The following GLT8D2 variants were observed in gnomAD, a reference collection of about 807,000 sequenced individuals.
GLT8D2 encodes glycosyltransferase 8 domain-containing protein 2.
In GLT8D2, 45 loss-of-function variants were observed where a neutral mutation model predicts 44.5. The ratio of observed to expected loss-of-function variants is 1.01; its 90% CI spans 0.80 to 1.30. GLT8D2 has a LOEUF of 1.30. Ranked by LOEUF, GLT8D2 falls within the 50% of genes most tolerant of loss-of-function variation. GLT8D2 has a pLI of 0.00. For synonymous variants in GLT8D2, 156 were observed against 157.2 expected, an observed-to-expected ratio of 0.99 and a Z score of 0.06; for missense variants, 400 against 430.4, an observed-to-expected ratio of 0.93 and a Z score of 0.62.
intron 5 of GLT8D2, among the ~76,000 whole-genome samples, chr12:104,000,553 G>A (rs1237763436): frequency 2.0e-5 from 3 of 152,052 alleles, no homozygotes; most frequent in Admixed American, 1.3e-4. Flanking sequence ...AAACTTTAAA[G>A]TATGTAAAAG....
At chr12:104,012,097 G>C (rs2722211) in intron 4 of GLT8D2, among the ~76,000 whole-genome samples, 9 of 147,908 alleles carry the variant, frequency 6.1e-5, no homozygotes, top group Admixed American at 1.4e-4. Flanking sequence ...CTTGAACCCA[G>C]AGGCAGAGGT....
chr12:104,036,497 G>A (rs1316049832), intron 1 of GLT8D2, among the ~76,000 whole-genome samples: 1 of 152,052 alleles, frequency 6.6e-6, no homozygotes, highest in Non-Finnish European at 1.5e-5. Flanking sequence ...CAAAAAAAAA[G>A]CAGGGGCTGC....
chr12:104,043,830 G>T (rs766734167), intron 1 of GLT8D2, among the ~76,000 whole-genome samples: 3 of 152,148 alleles, frequency 2.0e-5, no homozygotes. Flanking sequence ...ACCCCTCTCT[G>T]TTCCTTATTC....
chr12:104,057,183 T>C (rs1286787148), intron 1 of GLT8D2, among the ~76,000 whole-genome samples: 10 of 152,064 alleles, frequency 6.6e-5, no homozygotes, highest in African/African-American at 2.4e-4. Flanking sequence ...GGGCAAAAAA[T>C]TCACATTAAA....
At chr12:104,053,201 C>G (rs1199715609), upstream of GLT8D2, among the ~76,000 whole-genome samples, 1 of 152,214 alleles carries the variant, frequency 6.6e-6, no homozygotes, top group Non-Finnish European at 1.5e-5. Context: ...ATCATGTCAT[C>G]TCCTTTGAAT....
intron 2 of GLT8D2, among the ~76,000 whole-genome samples, chr12:104,021,028 A>T (rs535421619): frequency 6.6e-6 from 1 of 152,268 alleles, no homozygotes; most frequent in Non-Finnish European, 1.5e-5. Context: ...TCCCAAGGGA[A>T]TTCTGATGGT....
chr12:104,059,017 G>A (rs979605281), intron 1 of GLT8D2, among the ~76,000 whole-genome samples: 8 of 152,326 alleles, frequency 5.3e-5, no homozygotes, highest in African/African-American at 9.6e-5. Context: ...AGGCAGGTAA[G>A]AGCGGGACAG....
intron 3 of GLT8D2, among the ~76,000 whole-genome samples, chr12:104,018,184 C>T (rs551239100): frequency 2.3e-4 from 35 of 152,182 alleles, no homozygotes; most frequent in African/African-American, 8.2e-4. Flanking sequence ...GTTGCTAAGG[C>T]TGGTCTCGAA....
At chr12:104,015,435 C>CACACACACACACAA (rs1566198673) in intron 3 of GLT8D2, among the ~76,000 whole-genome samples, 1 of 144,620 alleles carries the variant, frequency 6.9e-6, no homozygotes, top group Non-Finnish European at 1.5e-5. Flanking sequence ...CACACACACA[C>CACACACACACACAA]AAATTAGCTG....
chr12:104,020,080 C>T (rs1877433809), intron 2 of GLT8D2, among the ~76,000 whole-genome samples: 2 of 152,064 alleles, frequency 1.3e-5, no homozygotes, highest in Admixed American at 1.3e-4. Flanking sequence ...CCACCACACC[C>T]AGCTAAATTT....
At chr12:104,045,892 T>TAGGA (rs1555281856) in intron 1 of GLT8D2, among the ~76,000 whole-genome samples, 2 of 112,144 alleles carry the variant, frequency 1.8e-5, no homozygotes, top group South Asian at 6.7e-4. Flanking sequence ...AAAAGAAAGA[T>TAGGA]AAGAAAGAAA....
In GLT8D2 at chr12:104,033,387, T is replaced by C. The variant is rs375785790; in HGVS notation, c.-163-11896A>G. On this transcript the variant is annotated intron_variant, in intron 1 of 10. Transcript: ENST00000360814. ...TGAGCCTGGAGGACATTATGCTAAG[T>C]GAAATAAGCCAGGTAAAGAAAAATG... Among the ~76,000 whole-genome samples the C allele has an allele frequency of 1.6e-4, 25 of 152,118 alleles. No homozygotes were observed. The East Asian group carries it at 3.9e-3, about 23-fold the overall frequency.
intron 1 of GLT8D2, among the ~76,000 whole-genome samples, chr12:104,047,302 G>A (rs1356329655): frequency 7.4e-6 from 1 of 135,232 alleles, no homozygotes; most frequent in Non-Finnish European, 1.6e-5. Context: ...AGCTCTCTTA[G>A]GCCTTTTTTT....
At chr12:104,037,929 CA>C (rs1880088499) in intron 1 of GLT8D2, among the ~76,000 whole-genome samples, 1 of 152,174 alleles carries the variant, frequency 6.6e-6, no homozygotes, top group African/African-American at 2.4e-5. Context: ...AGCAGCACAT[CA>C]AAAAGCTTAT....
At chr12:104,018,145 A>AT (rs1226608500) in intron 3 of GLT8D2, among the ~76,000 whole-genome samples, 1 of 151,470 alleles carries the variant, frequency 6.6e-6, no homozygotes, top group African/African-American at 2.4e-5. Context: ...AATTTTTTGT[A>AT]TTTTTTAGTA....
At chr12:104,056,158 G>A (rs968967747) in intron 1 of GLT8D2, among the ~76,000 whole-genome samples, 1 of 152,198 alleles carries the variant, frequency 6.6e-6, no homozygotes. Context: ...CTTGCCAGCT[G>A]CCCTCTCTAT....
At chr12:103,996,431 T>C (rs1873430586) in intron 8 of GLT8D2, among the ~76,000 whole-genome samples, 1 of 152,202 alleles carries the variant, frequency 6.6e-6, no homozygotes, top group Admixed American at 6.5e-5. Flanking sequence ...GCTGGACACT[T>C]GGACACCATG....
intron 9 of GLT8D2, chr12:103,994,095 T>C: frequency 3.7e-6 from 1 of 272,218 alleles, no homozygotes; most frequent in Non-Finnish European, 6.8e-6. Context: ...TTCAACAGCT[T>C]ACTAGGAAAA....
chr12:104,028,161 A>G (rs146521051), intron 1 of GLT8D2, among the ~76,000 whole-genome samples: 42 of 152,354 alleles, frequency 2.8e-4, no homozygotes, highest in Middle Eastern at 3.4e-3. Context: ...CACAGCAGTA[A>G]TGAGCCAAGA....
Sources: allele counts gnomAD v4.1 joint callset (sites outside exome capture counted in the v4.1 genomes callset), GRCh38; gene constraint gnomAD v4.1.1; transcripts MANE v1.5; gene names NCBI Gene and HGNC (gene_info 2026-07-23, HGNC 2026-07-21).